EPS8L1: variants seen among roughly 807,000 people sequenced by gnomAD.
EPS8L1 encodes epidermal growth factor receptor kinase substrate 8-like protein 1.
A neutral mutation model predicts 91.7 loss-of-function variants in EPS8L1; 101 were observed. The ratio of observed to expected loss-of-function variants is 1.10; its 90% CI spans 0.94 to 1.30. The LOEUF is 1.30. Ranked by LOEUF, EPS8L1 falls within the 50% of genes most tolerant of loss-of-function variation. The pLI is 0.00. For missense variants in EPS8L1, 1,114 were observed against 1,017.0 expected (o/e 1.10, Z -1.30); for synonymous variants, 506 against 445.3 (o/e 1.14, Z -1.72).
chr19:55,085,918 A>T lies in EPS8L1; in HGVS notation c.1463A>T (p.Asp488Val), dbSNP rs755615733. Residue 488 changes from aspartate (D) to valine (V), a missense_variant, in exon 15 of 20, where the codon GAC (aspartate) becomes GTC (valine). Physicochemically the swap from Asp to Val is radical, Grantham distance 152. Coordinates refer to ENST00000201647, the MANE Select transcript of EPS8L1 (RefSeq NM_133180.3). ...TAGKWVLCNY[D>V]FQARNSSELS... ...GGAAAATGGGTCCTGTGTAATTATG[A>T]CTTCCAGGCCCGCAACAGCAGTGAG... 1.4e-5 allele frequency: 23 copies of T among 1,613,592 alleles called. No individual in the cohort carries two copies. The highest frequency in any genetic ancestry group is 1.3e-4 in the East Asian group (6 of 44,818).
chr19:55,086,265 G>C (rs2076351182), intron 16 of EPS8L1, 73 bp downstream of exon 16: 7 of 1,608,758 alleles, frequency 4.4e-6, no homozygotes, highest in East Asian at 4.5e-5. Flanking sequence ...AGGGGCGTGG[G>C]GATCAGCTGT....
rs73932294 is a variant in EPS8L1 at position 55,079,870 on chromosome 19, G to T, written c.279+19G>T. 7.1e-4 allele frequency: 1,132 copies of T among 1,599,244 alleles called. 11 individuals carry two copies. The African/African-American group carries it at 0.013, about 18-fold the overall frequency. ...CTCCAAGGTGCCGGGGGGCACGTGG[G>T]TGGGAGGAGTGTCTGGGGCAGGGAC... On this transcript the variant is annotated intron_variant, in intron 5 of 19. Coordinates refer to ENST00000201647, the MANE Select transcript of EPS8L1 (RefSeq NM_133180.3).
In EPS8L1 at chr19:55,086,177, C is replaced by T. The variant is rs1039272136; in HGVS notation, c.1635C>T (p.Ser545=). 3.8e-6 allele frequency: 6 copies of T among 1,598,800 alleles called. No homozygotes were observed. The Admixed American group carries it at 8.5e-5, about 23-fold the overall frequency. Residue 545 remains serine (S), a synonymous_variant, in exon 16 of 20, where the codon AGC becomes AGT. Coordinates refer to ENST00000201647, the MANE Select transcript of EPS8L1 (RefSeq NM_133180.3). ...YPGPRLHHSQ[S]PARSLNSTPP... ...GACCCCGGCTGCACCACAGCCAAAG[C>T]CCTGCCCGCAGCCTGGTGAGCCAGC...
Position 55,082,542 on chromosome 19 carries a change from A to G in EPS8L1, c.1154A>G (p.Asn385Ser). The G allele has an allele frequency of 1.2e-6, 2 of 1,606,160 alleles. No homozygotes were observed. Among genetic ancestry groups the G allele is most frequent in the Non-Finnish European group, 1.7e-6 (2 of 1,176,978 alleles). Residue 385 changes from asparagine (N) to serine (S), a missense_variant, in exon 12 of 20, where the codon AAC becomes AGC. Coordinates refer to ENST00000201647, the MANE Select transcript of EPS8L1 (RefSeq NM_133180.3). Reference protein sequence around the residue: ...TSDAVALLRDNVTPRENELWT... With the variant: ...TSDAVALLRDSVTPRENELWT... ...GATGCCGTGGCGCTGCTGCGGGACAACGTCACTCCACGTGAAAACGAGCTC... is the reference window on the plus strand; with the variant it reads ...GATGCCGTGGCGCTGCTGCGGGACAGCGTCACTCCACGTGAAAACGAGCTC...
rs573185509 is a variant in EPS8L1, at chr19:55,076,354, G to T, written c.-37-54G>T. On this transcript the variant is annotated intron_variant, in intron 1 of 19. Coordinates refer to ENST00000201647, the MANE Select transcript of EPS8L1 (RefSeq NM_133180.3). ...GCCTGCATTGAGGGAGGAGGCTGGG[G>T]TAGGAATTAGAGGCTCCTACTGGCC... 465 of 1,516,318 alleles carry T rather than the reference G, an allele frequency of 3.1e-4. No homozygotes were observed. The African/African-American group carries it at 6.1e-3, about 20-fold the overall frequency. The allele number at this position is 1,516,318 out of a possible 1,614,324, so 93.9% of individuals were successfully genotyped here. A position where few individuals can be genotyped will look rare whatever the true frequency, so the allele number is the denominator to read the frequency against.
At chr19:55,082,745 CT>C in intron 12 of EPS8L1, 143 bp downstream of exon 12, 1 of 771,662 alleles carries the variant, frequency 1.3e-6, no homozygotes, top group Non-Finnish European at 2.0e-6. Flanking sequence ...TGGGGCGGGG[CT>C]TAGGACAGAT....
In EPS8L1 at chr19:55,085,989, G is replaced by A; in HGVS notation, c.1518+16G>A. On this transcript the variant is annotated intron_variant, in intron 15 of 19. Transcript: ENST00000201647. ...CGTACTGGAGGTTAGAGGAGCGGGAGGCTGAGGGGCAGGAATTAGCCAGCC... is the reference window on the plus strand; with the variant it reads ...CGTACTGGAGGTTAGAGGAGCGGGAAGCTGAGGGGCAGGAATTAGCCAGCC... 6.2e-7 allele frequency: 1 copy of A among 1,608,920 alleles called. No individual in the cohort carries two copies. Among genetic ancestry groups the A allele is most frequent in the South Asian group, 1.1e-5 (1 of 90,954 alleles).
Position 55,082,357 on chromosome 19 carries a change from C to T in EPS8L1, c.1065+8C>T. 1 of 1,612,594 alleles carries T rather than the reference C, an allele frequency of 6.2e-7. No individual in the cohort carries two copies. Among genetic ancestry groups the T allele is most frequent in the Non-Finnish European group, 8.5e-7 (1 of 1,179,836 alleles). On this transcript the variant is annotated splice_region_variant and intron_variant, in intron 11 of 19. Coordinates refer to ENST00000201647, the MANE Select transcript of EPS8L1 (RefSeq NM_133180.3). ...TTCGGGCCTCTGCAGATGGTGAGAC[C>T]CGCCCCAGGCCCTCGGGCCCCCCTG...
Position 55,083,566 on chromosome 19 carries a change from G to T in EPS8L1, c.1356+47G>T. On this transcript the variant is annotated intron_variant, in intron 13 of 19. Coordinates refer to ENST00000201647, the MANE Select transcript of EPS8L1 (RefSeq NM_133180.3). This position sits in a 1 kb window ranked among gnomAD's most constrained non-coding sequence, Gnocchi z 4.7. ...GGCCGAGGCTGGGAAGTCCGGGGGC[G>T]CGGCCGGTCCGCCTGGCCCCGCCTG... is the stretch of plus-strand genomic sequence containing the variant. 1 of 1,596,156 alleles carries T rather than the reference G, an allele frequency of 6.3e-7. No individual in the cohort carries two copies. The highest frequency in any genetic ancestry group is 8.5e-7 in the Non-Finnish European group (1 of 1,171,512).
Position 55,081,603 on chromosome 19 carries a change from G to T in EPS8L1, c.774+111G>T. 1.0e-6 allele frequency: 1 copy of T among 996,034 alleles called. No individual in the cohort carries two copies. Among genetic ancestry groups the T allele is most frequent in the Non-Finnish European group, 1.4e-6 (1 of 740,040 alleles). The allele number at this position is 996,034 out of a possible 1,614,324, so 61.7% of individuals were successfully genotyped here. A position where few individuals can be genotyped will look rare whatever the true frequency, so the allele number is the denominator to read the frequency against. Reference sequence around the variant, plus strand: ...ACGGGCGTTCTCTGGTCAGACTTCTGCGTTATGGAAGAGGGGCTGGGTCGG... The same window carrying T: ...ACGGGCGTTCTCTGGTCAGACTTCTTCGTTATGGAAGAGGGGCTGGGTCGG... On this transcript the variant is annotated intron_variant, in intron 8 of 19. Coordinates refer to ENST00000201647, the MANE Select transcript of EPS8L1 (RefSeq NM_133180.3). This position sits in a 1 kb window ranked among gnomAD's most constrained non-coding sequence, Gnocchi z 4.9.
At chr19:55,086,643 G>GGGGC in intron 17 of EPS8L1, 71 bp from the exon 18 acceptor site, 1 of 817,516 alleles carries the variant, frequency 1.2e-6, no homozygotes, top group Non-Finnish European at 1.7e-6. Context: ...GCGCCCCCCC[G>GGGGC]CCCCGCCCTC....
In EPS8L1 at chr19:55,082,136, T is replaced by C. The variant is rs369451381; in HGVS notation, c.946T>C (p.Tyr316His). 119 of 1,603,764 alleles carry C rather than the reference T, an allele frequency of 7.4e-5. No homozygotes were observed. Among genetic ancestry groups the C allele is most frequent in the Non-Finnish European group, 9.9e-5 (116 of 1,175,888 alleles). ...GGCCAAGCCGCCCTCGGAGGCCGAG[T>C]ACACCGACGTGCTGCAGAAGATCAA... The part of the protein sequence containing the change: ...LRAKPPSEAE[Y>H]TDVLQKIKYA... The change falls in exon 10 of 20, where the codon TAC (tyrosine) becomes CAC (histidine). Residue 316 changes from tyrosine (Y) to histidine (H), a missense_variant. Coordinates refer to ENST00000201647, the MANE Select transcript of EPS8L1 (RefSeq NM_133180.3).
Position 55,080,137 on chromosome 19 carries a change from G to A in EPS8L1, c.288G>A (p.Leu96=). 6.7e-7 allele frequency: 1 copy of A among 1,500,334 alleles called. No homozygotes were observed. The highest frequency in any genetic ancestry group is 8.9e-7 in the Non-Finnish European group (1 of 1,118,532). The allele number at this position is 1,500,334 out of a possible 1,614,324, so 92.9% of individuals were successfully genotyped here. ...GCCATCCCACCCGGCAGGAGGAGCT[G>A]GAGTCGTACCCACTGGGCGCCATCG... ...TLLDPASKEE[L]ESYPLGAIVR... Residue 96 remains leucine (L), a synonymous_variant, in exon 6 of 20, where the codon CTG becomes CTA. Transcript: ENST00000201647.
chr19:55,086,424 C>T lies in EPS8L1; in HGVS notation c.1683C>T (p.Ala561=), dbSNP rs1158386665. The T allele has an allele frequency of 1.4e-5, 22 of 1,558,758 alleles. No individual in the cohort carries two copies. The highest frequency in any genetic ancestry group is 1.9e-5 in the Non-Finnish European group (22 of 1,150,326). The change falls in exon 17 of 20, where the codon GCC becomes GCT. Residue 561 remains alanine, a synonymous_variant. Transcript: ENST00000201647. ...NSTPPPPPAP[A]PAPPPALARP... ...CTCCTCCTCCACCACCAGCCCCAGC[C>T]CCGGCCCCACCTCCAGCTCTGGCTC...
Position 55,083,801 on chromosome 19 carries a change from GGA to G in EPS8L1, c.1385+163_1385+164del, listed in dbSNP as rs1303325696. On this transcript the variant is annotated intron_variant, in intron 14 of 19. Transcript: ENST00000201647. This position sits in a 1 kb window ranked among gnomAD's most constrained non-coding sequence, Gnocchi z 4.7. ...ATGGTGATGGGGCGGGCCGGGGCTG[GGA>G]GAGAGGGAGGAGCAGGGTGGGAGGG... 1.8e-6 allele frequency: 1 copy of G among 553,828 alleles called. No homozygotes were observed. The highest frequency in any genetic ancestry group is 3.2e-6 in the Non-Finnish European group (1 of 314,678). 34.3% of individuals were successfully genotyped at this position (553,828 alleles called of 1,614,324 possible). A position where few individuals can be genotyped will look rare whatever the true frequency, so the allele number is the denominator to read the frequency against.
At chr19:55,085,664 C>T (rs1429196729) in intron 14 of EPS8L1, 177 bp from the exon 15 acceptor site, 4 of 687,764 alleles carry the variant, frequency 5.8e-6, no homozygotes, top group East Asian at 5.5e-5. Flanking sequence ...TGCCAAGCAA[C>T]GGAGGGAGCA....
At position 55,085,877 on chromosome 19, in the gene EPS8L1, G is replaced by A. The variant is rs760824469; in HGVS notation, c.1422G>A (p.Leu474=). The A allele has an allele frequency of 2.7e-5, 43 of 1,613,390 alleles. No individual in the cohort carries two copies. In the South Asian group the frequency reaches 2.9e-4, roughly 11 times the overall value. The part of the protein sequence containing the change: ...RDLEPESEPQ[L]ESETAGKWVL... Reference sequence around the variant, plus strand: ...TGGAGCCAGAATCTGAGCCTCAGCTGGAGTCAGAGACAGCAGGAAAATGGG... The same window carrying A: ...TGGAGCCAGAATCTGAGCCTCAGCTAGAGTCAGAGACAGCAGGAAAATGGG... Residue 474 remains leucine (L), a synonymous_variant, in exon 15 of 20, where the codon CTG becomes CTA. Transcript: ENST00000201647.
intron 6 of EPS8L1, 118 bp from the exon 7 acceptor site, chr19:55,080,654 A>G (rs954980895): frequency 5.8e-6 from 9 of 1,565,114 alleles, no homozygotes; most frequent in Non-Finnish European, 6.9e-6. Flanking sequence ...GTGGGTTCAC[A>G]GGTGTGAACG....
At position 55,082,195 on chromosome 19, in the gene EPS8L1, G is replaced by A. The variant is rs373427569; in HGVS notation, c.990+15G>A. On this transcript the variant is annotated intron_variant, in intron 10 of 19. Transcript: ENST00000201647. ...TCAGCCTGCTGGTGAGGACGCGCCC[G>A]CCCCTGGGCCGGGGCGCGGGCACGA... is the stretch of plus-strand genomic sequence containing the variant. 58 of 1,589,226 alleles carry A rather than the reference G, an allele frequency of 3.6e-5. No homozygotes were observed. Among genetic ancestry groups the A allele is most frequent in the Non-Finnish European group, 4.9e-5 (57 of 1,167,248 alleles).
Sources: gnomAD v4.1 joint callset for allele counts on GRCh38, gnomAD v4.1.1 for gene constraint, Gnocchi (gnomAD v3.1) non-coding constraint, MANE v1.5 for transcripts, NCBI Gene and HGNC (gene_info 2026-07-23, HGNC 2026-07-21) for gene names.